GPHN: variants seen among roughly 807,000 people sequenced by gnomAD.
GPHN encodes gephyrin.
GPHN carries 17 observed loss-of-function variants against 95.5 expected under a neutral mutation model. The ratio of observed to expected loss-of-function variants is 0.18; its 90% CI spans 0.12 to 0.27. The LOEUF (loss-of-function observed/expected upper bound fraction) is 0.27, where lower values mean the gene tolerates loss of function less well. GPHN is among the 10% of genes least tolerant of loss of function. The pLI is 1.00. For missense variants in GPHN, 660 were observed against 978.1 expected (o/e 0.67, Z 4.34); for synonymous variants, 320 against 322.5 (o/e 0.99, Z 0.08).
chr14:67,178,425 G>T (rs190497593), intron 21 of GPHN, among the ~76,000 whole-genome samples: 1 of 152,320 alleles, frequency 6.6e-6, no homozygotes, highest in Admixed American at 6.5e-5. Context: ...TCTGCTGAGA[G>T]ATCCACTGTT....
chr14:67,585,642 C>G, the GPHN span: 2 of 1,565,998 alleles, frequency 1.3e-6, no homozygotes. Flanking sequence ...GCATCCTGGA[C>G]CACAACACTA....
chr14:66,553,688 T>C (rs2059905147), intron 1 of GPHN, among the ~76,000 whole-genome samples: 1 of 152,202 alleles, frequency 6.6e-6, no homozygotes, highest in South Asian at 2.1e-4. Context: ...GCAATTCTCC[T>C]GCGTCAGCCT....
At chr14:66,828,942 A>G (rs2061481372) in intron 4 of GPHN, among the ~76,000 whole-genome samples, 1 of 149,930 alleles carries the variant, frequency 6.7e-6, no homozygotes, top group African/African-American at 2.5e-5. Flanking sequence ...TGATACTTGC[A>G]TGCCTTCTAG....
intron 9 of GPHN, among the ~76,000 whole-genome samples, chr14:67,017,591 C>G (rs2073383859): frequency 6.6e-6 from 1 of 152,082 alleles, no homozygotes; most frequent in Admixed American, 6.5e-5. Context: ...TCTATCATCT[C>G]TGTCATTACA....
intron 1 of GPHN, among the ~76,000 whole-genome samples, chr14:66,571,245 C>T (rs980954199): frequency 2.6e-5 from 4 of 152,056 alleles, no homozygotes; most frequent in African/African-American, 9.7e-5. Flanking sequence ...CTTAGAAAAC[C>T]ATCAGGCCTT....
At chr14:66,836,922 A>G (rs1200752310) in intron 4 of GPHN, among the ~76,000 whole-genome samples, 9 of 149,710 alleles carry the variant, frequency 6.0e-5, no homozygotes, top group Admixed American at 3.3e-4. Context: ...TAGAATGGCA[A>G]TCATTAAAAA....
At position 66,776,406 on chromosome 14, in the gene GPHN, T is replaced by G. The variant is rs139164640; in HGVS notation, c.144-58T>G. 6.2e-3 allele frequency: 6,194 copies of G among 1,005,274 alleles called. 314 individuals carry two copies. The Admixed American group carries it at 0.083, about 13-fold the overall frequency. The allele number at this position is 1,005,274 out of a possible 1,614,324, so 62.3% of individuals were successfully genotyped here. ...ATTCTGATGGTAATGGCAGAAATCT[T>G]TCATACATTTTAAACACTATTGCTG... On this transcript the variant is annotated intron_variant, in intron 2 of 22. Transcript: ENST00000478722.
At chr14:67,188,809 CT>C in the GPHN span, among the ~76,000 whole-genome samples, 1 of 151,674 alleles carries the variant, frequency 6.6e-6, no homozygotes, top group Admixed American at 6.6e-5. Flanking sequence ...TTCCTTCTTC[CT>C]TTCTTTTTCT....
chr14:67,201,108 A>G, the GPHN span, among the ~76,000 whole-genome samples: 1 of 152,180 alleles, frequency 6.6e-6, no homozygotes, highest in Non-Finnish European at 1.5e-5. Flanking sequence ...GACCTGGGCA[A>G]CAAGTGAGAT....
chr14:67,174,250 G>A (rs1595492657), intron 21 of GPHN, among the ~76,000 whole-genome samples: 1 of 120,000 alleles, frequency 8.3e-6, no homozygotes, highest in Non-Finnish European at 1.7e-5. Context: ...CCCCCGACAG[G>A]CCCCAGTGTG....
chr14:67,161,119 C>A (rs1024520597), intron 19 of GPHN, among the ~76,000 whole-genome samples: 1 of 152,022 alleles, frequency 6.6e-6, no homozygotes. Context: ...ATCGAGAAAC[C>A]CCATCTCTAT....
intron 2 of GPHN, among the ~76,000 whole-genome samples, chr14:66,687,703 G>T (rs1386262539): frequency 6.6e-6 from 1 of 151,828 alleles, no homozygotes; most frequent in Non-Finnish European, 1.5e-5. Context: ...TGTTCAGGCT[G>T]GTCTCTAACT....
chr14:66,545,728 G>A (rs2059554798), intron 1 of GPHN, among the ~76,000 whole-genome samples: 3 of 140,684 alleles, frequency 2.1e-5, no homozygotes, highest in Admixed American at 6.9e-5. Flanking sequence ...GGCTGGCCGG[G>A]CGGGGGGCTG....
intron 8 of GPHN, among the ~76,000 whole-genome samples, chr14:66,936,988 G>A (rs962983868): frequency 6.6e-6 from 1 of 152,172 alleles, no homozygotes; most frequent in Non-Finnish European, 1.5e-5. Context: ...GGGCATTCTA[G>A]TAATCTTAGT....
chr14:66,970,788 A>T (rs2069704121), intron 9 of GPHN, among the ~76,000 whole-genome samples: 1 of 152,226 alleles, frequency 6.6e-6, no homozygotes, highest in Admixed American at 6.5e-5. Flanking sequence ...CATACCGTCA[A>T]CACACAACAA....
chr14:67,100,772 A>T, intron 12 of GPHN, 84 bp from the exon 13 acceptor site: 1 of 907,750 alleles, frequency 1.1e-6, no homozygotes, highest in Non-Finnish European at 1.8e-6. Context: ...ATTTGAGTCA[A>T]ATTTTAGAAT....
At chr14:66,933,226 T>C (rs1170130502) in intron 8 of GPHN, among the ~76,000 whole-genome samples, 1 of 152,166 alleles carries the variant, frequency 6.6e-6, no homozygotes, top group African/African-American at 2.4e-5. Context: ...AAGGAAGAAA[T>C]AGGTAACAGA....
intron 1 of GPHN, among the ~76,000 whole-genome samples, chr14:66,571,621 G>GC (rs754834074): frequency 6.6e-6 from 1 of 152,016 alleles, no homozygotes; most frequent in East Asian, 1.9e-4. Flanking sequence ...GACCAGCCTG[G>GC]CCAACATGGT....
At chr14:66,979,804 A>G (rs1024726413) in intron 9 of GPHN, among the ~76,000 whole-genome samples, 1 of 152,132 alleles carries the variant, frequency 6.6e-6, no homozygotes, top group Non-Finnish European at 1.5e-5. Context: ...AAACTTAGTC[A>G]TTTCTAGCTT....
Sources: gnomAD v4.1 joint callset for allele counts (sites outside exome capture counted in the v4.1 genomes callset) on GRCh38, gnomAD v4.1.1 for gene constraint, MANE v1.5 for transcripts, NCBI Gene and HGNC (gene_info 2026-07-23, HGNC 2026-07-21) for gene names.